ABI3BP: variants seen among roughly 807,000 people sequenced by gnomAD.
ABI3BP encodes the protein target of Nesh-SH3.
In ABI3BP, 216 loss-of-function variants were observed where a neutral mutation model predicts 268.6. That is an observed-to-expected ratio of 0.80 (90% confidence interval 0.72 to 0.90). The LOEUF is 0.90. Among genes scored for constraint, ABI3BP ranks in the 40% least tolerant of loss-of-function variants. The pLI is 0.00. For missense variants in ABI3BP, 2,090 were observed against 2,182.4 expected (o/e 0.96, Z 0.84); for synonymous variants, 730 against 730.0 (o/e 1.00, Z 0.00).
At chr3:100,793,232 G>C (rs565644745) in intron 54 of ABI3BP, among the ~76,000 whole-genome samples, 1 of 151,820 alleles carries the variant, frequency 6.6e-6, no homozygotes, top group Non-Finnish European at 1.5e-5. Context: ...GAAAATCAGA[G>C]CGTATGTTTG....
At position 100,817,457 on chromosome 3, in the gene ABI3BP, TG is replaced by T; in HGVS notation, c.3126del (p.Lys1043SerfsTer7). ...TTVLEPDTFR[T>X]KFPETTLAPK... is the part of the protein sequence containing the mutation. The stretch of plus-strand genomic sequence containing the variant: ...TTACCTAACGTTGTTTCTGGAAACT[TG>T]GTTCTAAAAGTGTCAGGTTCAAGGA... On this transcript the variant is annotated frameshift_variant, in exon 42 of 68. Coordinates refer to ENST00000471714, the MANE Select transcript of ABI3BP (RefSeq NM_001375547.2). LOFTEE classifies it high-confidence loss of function. 6.6e-7 allele frequency: 1 copy of T among 1,510,954 alleles called. No homozygotes were observed. The allele number at this position is 1,510,954 out of a possible 1,614,324, so 93.6% of individuals were successfully genotyped here. A position where few individuals can be genotyped will look rare whatever the true frequency, so the allele number is the denominator to read the frequency against.
At chr3:100,871,674 G>A (rs764726462) in intron 9 of ABI3BP, among the ~76,000 whole-genome samples, 3 of 152,182 alleles carry the variant, frequency 2.0e-5, no homozygotes, top group Non-Finnish European at 4.4e-5. Flanking sequence ...CTTCCATCAC[G>A]AATGTGAGGC....
At chr3:100,932,604 A>G (rs949074446) in intron 1 of ABI3BP, among the ~76,000 whole-genome samples, 8 of 152,116 alleles carry the variant, frequency 5.3e-5, no homozygotes, top group Admixed American at 4.6e-4. Context: ...AAAGTTCCCA[A>G]CATCACTAAT....
intron 63 of ABI3BP, among the ~76,000 whole-genome samples, chr3:100,760,610 C>T (rs2095880883): frequency 6.6e-6 from 1 of 152,116 alleles, no homozygotes; most frequent in South Asian, 2.1e-4. Context: ...TTGAATATCA[C>T]AGAATTATAT....
intron 4 of ABI3BP, among the ~76,000 whole-genome samples, chr3:100,897,144 G>T (rs1189992540): frequency 6.6e-6 from 1 of 152,124 alleles, no homozygotes; most frequent in Non-Finnish European, 1.5e-5. Flanking sequence ...TATCAAAACT[G>T]TAATGAAAAA....
intron 27 of ABI3BP, 67 bp from the exon 28 acceptor site, chr3:100,835,727 A>G (rs1241900150): frequency 7.9e-7 from 1 of 1,260,712 alleles, no homozygotes; most frequent in South Asian, 1.3e-5. Flanking sequence ...TATTTTGAAA[A>G]TGAATCTTCT....
intron 23 of ABI3BP, 41 bp from the exon 24 acceptor site, chr3:100,839,657 G>A (rs1216337507): frequency 4.6e-6 from 7 of 1,531,594 alleles, no homozygotes; most frequent in South Asian, 1.2e-5. Context: ...ATTTCAAGAA[G>A]TGGCATCGTG....
At chr3:100,963,354 C>G (rs1180684635) in intron 1 of ABI3BP, among the ~76,000 whole-genome samples, 1 of 152,160 alleles carries the variant, frequency 6.6e-6, no homozygotes, top group East Asian at 1.9e-4. Flanking sequence ...ATGCTTTCTT[C>G]TTTCCTCCTC....
At chr3:100,977,440 C>T (rs2576366) in intron 1 of ABI3BP, among the ~76,000 whole-genome samples, 152,287 of 152,322 alleles carry the variant, frequency 1, 76,126 homozygotes, top group Non-Finnish European at 1. Context: ...ATTACCATCA[C>T]CTGAAGGCTT....
At chr3:100,971,049 T>C (rs2083374029) in intron 1 of ABI3BP, among the ~76,000 whole-genome samples, 1 of 152,216 alleles carries the variant, frequency 6.6e-6, no homozygotes, top group South Asian at 2.1e-4. Context: ...GGAATTTTGG[T>C]GGCTGCTGAT....
chr3:100,989,506 G>A (rs2092569520), intron 1 of ABI3BP, among the ~76,000 whole-genome samples: 1 of 152,108 alleles, frequency 6.6e-6, no homozygotes, highest in Non-Finnish European at 1.5e-5. Context: ...TACTCTGTTA[G>A]GTAAGAACCC....
intron 3 of ABI3BP, among the ~76,000 whole-genome samples, chr3:100,901,570 C>G (rs866724361): frequency 6.6e-6 from 1 of 151,952 alleles, no homozygotes; most frequent in South Asian, 2.1e-4. Flanking sequence ...TCGAGACTGT[C>G]CTGGCTAACA....
intron 59 of ABI3BP, among the ~76,000 whole-genome samples, 176 bp from the exon 60 acceptor site, chr3:100,775,511 A>G (rs1422115369): frequency 6.6e-6 from 1 of 152,208 alleles, no homozygotes; most frequent in Non-Finnish European, 1.5e-5. Flanking sequence ...TGAGCCAAGT[A>G]TATCAGAGCA....
At chr3:100,753,409 C>G (rs1247228954) in intron 65 of ABI3BP, among the ~76,000 whole-genome samples, 1 of 151,660 alleles carries the variant, frequency 6.6e-6, no homozygotes, top group Non-Finnish European at 1.5e-5. Context: ...CCTCAGCCTC[C>G]CAAGTAGCTA....
chr3:100,754,757 T>TCA, intron 63 of ABI3BP, 66 bp from the exon 64 acceptor site: 1 of 1,297,042 alleles, frequency 7.7e-7, no homozygotes, highest in Non-Finnish European at 1.1e-6. Context: ...AACATTGCCC[T>TCA]ATTATACGGA....
intron 57 of ABI3BP, among the ~76,000 whole-genome samples, chr3:100,786,099 G>A (rs1034835818): frequency 2.6e-5 from 4 of 152,112 alleles, no homozygotes; most frequent in Non-Finnish European, 4.4e-5. Context: ...GCTGGGTGCC[G>A]TCTGCTGACC....
Position 100,813,669 on chromosome 3 carries a change from C to T in ABI3BP, c.3356G>A (p.Ser1119Asn). 2 of 1,535,014 alleles carry T rather than the reference C, an allele frequency of 1.3e-6. No individual in the cohort carries two copies. Among genetic ancestry groups the T allele is most frequent in the Non-Finnish European group, 1.7e-6 (2 of 1,146,080 alleles). Reference protein sequence around the residue: ...VTSPSLEMTESQPVSDVLESV... With the variant: ...VTSPSLEMTENQPVSDVLESV... ...TAAAACAATCTATTTACCAGGTTGA[C>T]TTTCTGTCATTTCTAGGCTTGGTGA... The change falls in exon 45 of 68, where the codon AGT (serine) becomes AAT (asparagine). Residue 1119 changes from serine (S) to asparagine (N), a missense_variant. Ser to Asn is a conservative substitution (Grantham distance 46). Transcript: ENST00000471714.
At chr3:100,823,579 G>T in intron 36 of ABI3BP, 65 bp from the exon 37 acceptor site, 1 of 1,282,098 alleles carries the variant, frequency 7.8e-7, no homozygotes, top group Non-Finnish European at 1.1e-6. Flanking sequence ...ACACTCACAT[G>T]CAAACAAATT....
At position 100,789,482 on chromosome 3, in the gene ABI3BP, T is replaced by C; in HGVS notation, c.4059A>G (p.Arg1353=). 1 of 1,601,278 alleles carries C rather than the reference T, an allele frequency of 6.2e-7. No individual in the cohort carries two copies. Among genetic ancestry groups the C allele is most frequent in the South Asian group, 1.1e-5 (1 of 88,644 alleles). ...GTCTGATGTGTGGCTTGTCAGATGTTCTGGGCCTCACAGTAGTATAAAATC... is the reference window on the plus strand; with the variant it reads ...GTCTGATGTGTGGCTTGTCAGATGTCCTGGGCCTCACAGTAGTATAAAATC... ...PHRFYTTVRP[R]TSDKPHIRPV... is the part of the protein sequence containing the mutation. The change falls in exon 56 of 68, where the codon AGA becomes AGG. Residue 1353 remains arginine, a synonymous_variant. Transcript: ENST00000471714.
Sources: allele counts gnomAD v4.1 joint callset (sites outside exome capture counted in the v4.1 genomes callset), GRCh38; gene constraint gnomAD v4.1.1; transcripts MANE v1.5; gene names NCBI Gene and HGNC (gene_info 2026-07-23, HGNC 2026-07-21).